Variants in GAS7 observed in about 807,000 individuals in gnomAD.
GAS7 encodes growth arrest specific 7.
A neutral mutation model predicts 71.1 loss-of-function variants in GAS7; 28 were observed. The observed-to-expected ratio is 0.39, with a 90% confidence interval of 0.29 to 0.54. GAS7 has a LOEUF of 0.54. Ranked by LOEUF, GAS7 falls within the 20% of genes least tolerant of loss-of-function variation. GAS7 has a pLI of 0.62. For synonymous variants in GAS7, 258 were observed against 245.8 expected (o/e 1.05, Z -0.46); for missense variants, 436 against 627.8 (o/e 0.69, Z 3.27).
At chr17:9,989,485 TA>T (rs2070762014) in intron 2 of GAS7, among the ~76,000 whole-genome samples, 4 of 152,242 alleles carry the variant, frequency 2.6e-5, no homozygotes. Context: ...CATCTTTAGT[TA>T]ATTTTAGACA....
At chr17:10,121,645 C>T (rs1169128812) in intron 1 of GAS7, among the ~76,000 whole-genome samples, 1 of 152,174 alleles carries the variant, frequency 6.6e-6, no homozygotes, top group African/African-American at 2.4e-5. Context: ...ATTAAATGCT[C>T]CTGAATCGAC....
At chr17:10,082,545 G>A (rs1260911321) in intron 1 of GAS7, among the ~76,000 whole-genome samples, 1 of 152,218 alleles carries the variant, frequency 6.6e-6, no homozygotes, top group African/African-American at 2.4e-5. Flanking sequence ...ACGCTGCTGT[G>A]ATGAGGAAAT....
intron 6 of GAS7, among the ~76,000 whole-genome samples, chr17:9,944,747 T>C (rs1222474558): frequency 6.6e-6 from 1 of 152,186 alleles, no homozygotes. Flanking sequence ...AAAAGCAATG[T>C]CCACTGAAGA....
chr17:9,921,577 G>A (rs1409744869), intron 11 of GAS7, among the ~76,000 whole-genome samples: 3 of 152,260 alleles, frequency 2.0e-5, no homozygotes, highest in African/African-American at 4.8e-5. Context: ...AGGTGAAGGG[G>A]GCTGTACCTT....
chr17:9,952,501 C>T (rs1301676296), intron 5 of GAS7, among the ~76,000 whole-genome samples: 1 of 152,168 alleles, frequency 6.6e-6, no homozygotes, highest in African/African-American at 2.4e-5. Flanking sequence ...AAGCGATTCT[C>T]CTGCTTCAGC....
chr17:9,984,600 GC>G (rs1198193386), intron 2 of GAS7, among the ~76,000 whole-genome samples: 1 of 152,268 alleles, frequency 6.6e-6, no homozygotes, highest in East Asian at 1.9e-4. Flanking sequence ...AAAGACCACT[GC>G]CCTGCTTAGG....
Position 10,164,851 on chromosome 17 carries a change from A to G in GAS7, c.183+33357T>C, listed in dbSNP as rs1344651654. Among the ~76,000 whole-genome samples, 53 of 148,878 alleles carry G rather than the reference A, an allele frequency of 3.6e-4. 1 individual carries two copies. In the East Asian group the frequency reaches 0.01, roughly 29 times the overall value. ...CTAAAAATAATAATGAAAAAAGGAAAAAAAAAAAAAAAAAAGGCTGGGCGC... is the reference window on the plus strand; with the variant it reads ...CTAAAAATAATAATGAAAAAAGGAAGAAAAAAAAAAAAAAAGGCTGGGCGC... On this transcript the variant is annotated intron_variant, in intron 1 of 13. Transcript: ENST00000432992.
chr17:9,985,012 T>C (rs1416834097), intron 2 of GAS7, among the ~76,000 whole-genome samples: 1 of 151,712 alleles, frequency 6.6e-6, no homozygotes, highest in African/African-American at 2.4e-5. Flanking sequence ...CACCCTCTCC[T>C]CCGAGTCTCC....
intron 1 of GAS7, among the ~76,000 whole-genome samples, chr17:10,056,019 G>A (rs889729052): frequency 6.6e-6 from 1 of 152,156 alleles, no homozygotes; most frequent in African/African-American, 2.4e-5. Context: ...CCCAGCCCCT[G>A]CAGACTGTAT....
At chr17:9,918,280 C>T (rs577892961) in intron 12 of GAS7, among the ~76,000 whole-genome samples, 181 bp from the exon 13 acceptor site, 3 of 85,578 alleles carry the variant, frequency 3.5e-5, no homozygotes, top group South Asian at 4.0e-4. Flanking sequence ...ACAGCAGCAG[C>T]GGCTGTTTTA....
chr17:9,995,071 G>A (rs2070986272), intron 2 of GAS7, among the ~76,000 whole-genome samples: 1 of 152,214 alleles, frequency 6.6e-6, no homozygotes, highest in South Asian at 2.1e-4. Flanking sequence ...TGAGCACTGG[G>A]GAGCAGCAGG....
chr17:10,125,067 TAAA>T (rs34878954), intron 1 of GAS7, among the ~76,000 whole-genome samples: 125 of 138,140 alleles, frequency 9.0e-4, no homozygotes, highest in South Asian at 1.4e-3. Context: ...TTAATAGCAG[TAAA>T]AAAAAAAAAA....
intron 1 of GAS7, among the ~76,000 whole-genome samples, chr17:10,175,345 G>A (rs1176798037): frequency 6.6e-6 from 1 of 151,896 alleles, no homozygotes; most frequent in Non-Finnish European, 1.5e-5. Context: ...TGAGTTTGCT[G>A]GGGCTGCCAC....
chr17:9,943,374 C>T, intron 6 of GAS7, 138 bp from the exon 7 acceptor site: 1 of 640,034 alleles, frequency 1.6e-6, no homozygotes, highest in South Asian at 1.8e-5. Flanking sequence ...GCTGTCTCTG[C>T]TGCCCTAACT....
chr17:10,143,156 T>C (rs2074096195), intron 1 of GAS7, among the ~76,000 whole-genome samples: 1 of 152,160 alleles, frequency 6.6e-6, no homozygotes, highest in Admixed American at 6.5e-5. Context: ...CATTCCAGCC[T>C]GGGCGACAGA....
chr17:10,166,314 CA>C (rs1351653816), intron 1 of GAS7, among the ~76,000 whole-genome samples: 1 of 152,218 alleles, frequency 6.6e-6, no homozygotes, highest in East Asian at 1.9e-4. Context: ...TGAGTCACCA[CA>C]CCAGGTGACT....
chr17:10,103,606 A>C lies in GAS7; in HGVS notation c.184-83709T>G, dbSNP rs2073728238. ...TTTGGGAGGCCGAGGTGGGCGGATC[A>C]CCTGAGGTCAGGAGTTCAAGACCAG... On this transcript the variant is annotated intron_variant, in intron 1 of 13. Transcript: ENST00000432992. This position sits in a 1 kb window ranked among gnomAD's most constrained non-coding sequence, Gnocchi z 5.5. Among the ~76,000 whole-genome samples the C allele has an allele frequency of 6.6e-6, 1 of 152,084 alleles. No individual in the cohort carries two copies. The highest frequency in any genetic ancestry group is 1.5e-5 in the Non-Finnish European group (1 of 68,024).
chr17:10,163,744 G>T (rs1347119349), intron 1 of GAS7, among the ~76,000 whole-genome samples: 4 of 151,968 alleles, frequency 2.6e-5, no homozygotes, highest in African/African-American at 9.7e-5. Context: ...CTTTCCCCAT[G>T]GGGCGGCTTT....
At chr17:10,128,893 G>C (rs1244165297) in intron 1 of GAS7, among the ~76,000 whole-genome samples, 2 of 152,252 alleles carry the variant, frequency 1.3e-5, no homozygotes, top group East Asian at 3.9e-4. Flanking sequence ...AAAGTGCTGG[G>C]ATTACAGGCG....
Sources: gnomAD v4.1 joint callset for allele counts (sites outside exome capture counted in the v4.1 genomes callset) on GRCh38, gnomAD v4.1.1 for gene constraint, Gnocchi (gnomAD v3.1) non-coding constraint, MANE v1.5 for transcripts, NCBI Gene and HGNC (gene_info 2026-07-23, HGNC 2026-07-21) for gene names.